Variants in PSD2 observed in about 807,000 individuals in gnomAD.
PSD2 encodes the protein PH and SEC7 domain-containing protein 2.
PSD2 carries 38 observed loss-of-function variants against 69.8 expected under a neutral mutation model. The observed-to-expected ratio is 0.54, with a 90% CI of 0.42 to 0.71. The LOEUF is 0.71. Among genes scored for constraint, PSD2 ranks in the 30% least tolerant of loss-of-function variants. PSD2 has a pLI of 0.00. For missense variants in PSD2, 943 were observed against 1,014.5 expected, an observed-to-expected ratio of 0.93 and a Z score of 0.96; for synonymous variants, 412 against 423.0, an observed-to-expected ratio of 0.97 and a Z score of 0.32.
chr5:139,788,006 G>C, the PSD2 span, among the ~76,000 whole-genome samples: 13,047 of 152,300 alleles, frequency 0.086, 624 homozygotes, highest in African/African-American at 0.098. Flanking sequence ...GCTGGGCCTG[G>C]TGCTGCGGTA....
At chr5:139,787,623 C>T in the PSD2 span, among the ~76,000 whole-genome samples, 2 of 152,214 alleles carry the variant, frequency 1.3e-5, no homozygotes, top group Non-Finnish European at 2.9e-5. Context: ...TTTCCAAAAA[C>T]ACCAGCAGGT....
In PSD2 at chr5:139,836,424, C is replaced by T. The variant is rs577002147; in HGVS notation, c.1404-387C>T. Among the ~76,000 whole-genome samples the T allele has an allele frequency of 3.2e-4, 49 of 152,282 alleles. 2 individuals are homozygous for T. The highest frequency in any genetic ancestry group is 9.8e-4 in the Admixed American group (15 of 15,306). Reference sequence around the variant, plus strand: ...TTCAGGGCCTTACCTGCTGGCCTCCCGCTGCCAGCATGTCGGTGGGGTTTG... The same window carrying T: ...TTCAGGGCCTTACCTGCTGGCCTCCTGCTGCCAGCATGTCGGTGGGGTTTG... On this transcript the variant is annotated intron_variant, in intron 9 of 14. Transcript: ENST00000274710.
chr5:139,805,804 A>G (rs1759790874), intron 1 of PSD2, among the ~76,000 whole-genome samples: 1 of 152,100 alleles, frequency 6.6e-6, no homozygotes, highest in African/African-American at 2.4e-5. Context: ...GAGCATGGGG[A>G]CATGGGGTAG....
chr5:139,840,056 G>C lies in PSD2; in HGVS notation c.1998G>C (p.Lys666Asn). ...AGCAACTGCGGTCTCATGAGAATAA[G>C]TTGAGGCAGCTGACTGCGGAGCTGG... ...QEEQLRSHEN[K>N]LRQLTAELAE... Residue 666 changes from lysine (K) to asparagine (N), a missense_variant, in exon 14 of 15, where the codon AAG (lysine) becomes AAC (asparagine). Transcript: ENST00000274710. The C allele has an allele frequency of 6.2e-7, 1 of 1,614,240 alleles. No individual in the cohort carries two copies. Among genetic ancestry groups the C allele is most frequent in the South Asian group, 1.1e-5 (1 of 91,084 alleles).
intron 5 of PSD2, among the ~76,000 whole-genome samples, chr5:139,821,222 C>T (rs528063030): frequency 5.3e-5 from 8 of 152,210 alleles, no homozygotes; most frequent in Non-Finnish European, 8.8e-5. Context: ...CGTGAGCCAC[C>T]GCGCCTGGCC....
intron 7 of PSD2, among the ~76,000 whole-genome samples, chr5:139,826,129 G>A (rs1013465160): frequency 9.2e-5 from 14 of 152,214 alleles, no homozygotes; most frequent in Admixed American, 7.9e-4. Flanking sequence ...AGTGGTCATG[G>A]GTGGGATGGT....
the PSD2 span, among the ~76,000 whole-genome samples, chr5:139,749,533 A>G: frequency 6.6e-6 from 1 of 152,234 alleles, no homozygotes; most frequent in Non-Finnish European, 1.5e-5. Context: ...GTGGAAAGTA[A>G]TGTCTCCATT....
At chr5:139,794,972 G>C (rs1759483066), upstream of PSD2, among the ~76,000 whole-genome samples, 1 of 152,122 alleles carries the variant, frequency 6.6e-6, no homozygotes. Flanking sequence ...TTGCCCTTGG[G>C]GAGACACCGT....
chr5:139,783,598 C>G, the PSD2 span, among the ~76,000 whole-genome samples: 2 of 152,314 alleles, frequency 1.3e-5, no homozygotes, highest in East Asian at 1.9e-4. Context: ...TAGTGCTGCT[C>G]TGAAGTTTAT....
the PSD2 span, among the ~76,000 whole-genome samples, chr5:139,752,281 G>C: frequency 6.6e-6 from 1 of 152,002 alleles, no homozygotes; most frequent in South Asian, 2.1e-4. Context: ...TTCTGTTTCT[G>C]CCTCTCCCTA....
intron 1 of PSD2, among the ~76,000 whole-genome samples, chr5:139,801,579 C>A (rs1024410319): frequency 6.6e-6 from 1 of 152,108 alleles, no homozygotes; most frequent in Non-Finnish European, 1.5e-5. Flanking sequence ...ACTTGCCCTG[C>A]ACAGGCTCTC....
chr5:139,830,299 T>G (rs1040918091), intron 7 of PSD2, among the ~76,000 whole-genome samples: 2 of 151,734 alleles, frequency 1.3e-5, no homozygotes, highest in African/African-American at 4.8e-5. Context: ...GATTTACAAA[T>G]TTTTTTTCTC....
the PSD2 span, among the ~76,000 whole-genome samples, chr5:139,766,425 A>C: frequency 6.6e-6 from 1 of 152,130 alleles, no homozygotes; most frequent in Non-Finnish European, 1.5e-5. Flanking sequence ...CTCAGTCTTC[A>C]GCAGTCCTGG....
the PSD2 span, among the ~76,000 whole-genome samples, chr5:139,784,181 C>A: frequency 6.6e-6 from 1 of 151,814 alleles, no homozygotes; most frequent in African/African-American, 2.4e-5. Context: ...CTCAAGCGAT[C>A]CACCCGCCTC....
chr5:139,810,692 T>G (rs1057119698), intron 2 of PSD2, among the ~76,000 whole-genome samples: 4 of 152,144 alleles, frequency 2.6e-5, no homozygotes, highest in African/African-American at 9.7e-5. Context: ...TAAGTCTCCA[T>G]GGGCAGGAGT....
chr5:139,825,990 T>C (rs1488055339), intron 7 of PSD2, among the ~76,000 whole-genome samples: 2 of 152,116 alleles, frequency 1.3e-5, no homozygotes, highest in African/African-American at 4.8e-5. Flanking sequence ...AGGAAACTCA[T>C]GAGTGTGTGG....
chr5:139,793,846 A>T (rs1203162753), upstream of PSD2, among the ~76,000 whole-genome samples: 2 of 152,190 alleles, frequency 1.3e-5, no homozygotes, highest in Non-Finnish European at 2.9e-5. Context: ...TCCTAGCCTC[A>T]CAAAGAGGGG....
intron 7 of PSD2, among the ~76,000 whole-genome samples, chr5:139,833,471 C>T (rs1760641777): frequency 6.6e-6 from 1 of 152,234 alleles, no homozygotes; most frequent in South Asian, 2.1e-4. Flanking sequence ...CCAACTCCTT[C>T]ACCTGGGCTG....
chr5:139,822,632 C>A, intron 6 of PSD2, 94 bp from the exon 7 acceptor site: 1 of 1,156,218 alleles, frequency 8.6e-7, no homozygotes, highest in Non-Finnish European at 1.2e-6. Context: ...CGGCCTCCCT[C>A]TGTGTCCAAG....
Sources: gnomAD v4.1 joint callset for allele counts (sites outside exome capture counted in the v4.1 genomes callset) on GRCh38, gnomAD v4.1.1 for gene constraint, MANE v1.5 for transcripts, NCBI Gene and HGNC (gene_info 2026-07-23, HGNC 2026-07-21) for gene names.